The following SLCO2B1 variants were observed in gnomAD, a reference collection of about 807,000 sequenced individuals.
SLCO2B1 encodes the protein solute carrier organic anion transporter family member 2B1.
SLCO2B1 carries 41 observed loss-of-function variants against 67.3 expected under a neutral mutation model. The ratio of observed to expected loss-of-function variants is 0.61; its 90% confidence interval spans 0.47 to 0.79. The LOEUF is 0.79. SLCO2B1 is among the 30% of genes least tolerant of loss of function. The pLI, the probability that SLCO2B1 is intolerant of heterozygous loss-of-function variation, is 0.00. For synonymous variants in SLCO2B1, 379 were observed against 381.4 expected, an observed-to-expected ratio of 0.99 and a Z score of 0.07; for missense variants, 837 against 920.1, an observed-to-expected ratio of 0.91 and a Z score of 1.17.
At chr11:75,168,370 T>C (rs1423950099) in intron 4 of SLCO2B1, among the ~76,000 whole-genome samples, 1 of 152,028 alleles carries the variant, frequency 6.6e-6, no homozygotes, top group Non-Finnish European at 1.5e-5. Flanking sequence ...CCGTGCTGGG[T>C]TGACACAGCT....
intron 9 of SLCO2B1, among the ~76,000 whole-genome samples, chr11:75,194,489 G>A (rs770802860): frequency 4.1e-4 from 63 of 152,204 alleles, no homozygotes; most frequent in Non-Finnish European, 7.4e-4. Flanking sequence ...CAGGGCCAAG[G>A]AGCACCCAGC....
intron 1 of SLCO2B1, among the ~76,000 whole-genome samples, chr11:75,154,521 C>A (rs535706353): frequency 2.6e-5 from 4 of 152,176 alleles, no homozygotes; most frequent in South Asian, 2.1e-4. Flanking sequence ...ACAACAACAA[C>A]AAATGAGGAA....
intron 13 of SLCO2B1, 125 bp from the exon 14 acceptor site, chr11:75,204,275 C>T: frequency 9.9e-7 from 1 of 1,007,472 alleles, no homozygotes; most frequent in Non-Finnish European, 1.5e-6. Flanking sequence ...CAGGGAAGAG[C>T]CACAGCAGAG....
At position 75,151,459 on chromosome 11, in the gene SLCO2B1, G is replaced by T. The variant is rs1186006801; in HGVS notation, c.16+62G>T. 7 of 1,582,964 alleles carry T rather than the reference G, an allele frequency of 4.4e-6. No homozygotes were observed. In the East Asian group the frequency reaches 1.3e-4, roughly 30 times the overall value. On this transcript the variant is annotated intron_variant, in intron 1 of 13. Transcript: ENST00000289575. ...CAAGCCTGGGGGACATGTTCCCAGA[G>T]AAAAGGGTGAGGCCGTAGAGCCAGA...
Position 75,193,875 on chromosome 11 carries a change from G to T in SLCO2B1, c.1433+300G>T, listed in dbSNP as rs1173605675. ...GCCACCCATGGGATGGCATGTCCAG[G>T]GTGACCAAGCCCTGTGGGCCCAACA... On this transcript the variant is annotated intron_variant, in intron 9 of 13. Transcript: ENST00000289575. The surrounding 1 kb of genome is among the most constrained non-coding windows in gnomAD (Gnocchi z 4.2). Among the ~76,000 whole-genome samples, 2 of 152,188 alleles carry T rather than the reference G, an allele frequency of 1.3e-5. No homozygotes were observed. The highest frequency in any genetic ancestry group is 4.8e-5 in the African/African-American group (2 of 41,450).
intron 6 of SLCO2B1, chr11:75,170,023 G>T: frequency 2.2e-6 from 1 of 456,254 alleles, no homozygotes; most frequent in African/African-American, 2.0e-5. Context: ...CATGGTTGCC[G>T]TCACTACTAT....
At chr11:75,184,959 C>T (rs1399267641) in intron 7 of SLCO2B1, among the ~76,000 whole-genome samples, 1 of 152,138 alleles carries the variant, frequency 6.6e-6, no homozygotes, top group East Asian at 1.9e-4. Context: ...CTGTTTTCTG[C>T]CATGCCACAA....
At position 75,165,937 on chromosome 11, in the gene SLCO2B1, A is replaced by G; in HGVS notation, c.436A>G (p.Asn146Asp). ...CATCTCGGAGCCATACCGCTACGAC[A>G]ACACCAGCCCTGGTAAGAGCAGCAG... The part of the protein sequence containing the change: ...HFISEPYRYD[N>D]TSPEDMPQDF... Residue 146 changes from asparagine to aspartate, a missense_variant, in exon 4 of 14, where the codon AAC becomes GAC. Physicochemically the swap from Asn to Asp is conservative, Grantham distance 23. Coordinates refer to ENST00000289575, the MANE Select transcript of SLCO2B1 (RefSeq NM_007256.5). 6.2e-7 allele frequency: 1 copy of G among 1,613,944 alleles called. No individual in the cohort carries two copies. The highest frequency in any genetic ancestry group is 8.5e-7 in the Non-Finnish European group (1 of 1,179,868).
Position 75,193,271 on chromosome 11 carries a change from G to A in SLCO2B1, c.1129G>A (p.Val377Ile). ...ACGCCACCCCATCTTCCTGCTGGTG[G>A]TCCTGTCCCAGGTATGCTTGTCATC... ...TLRHPIFLLV[V>I]LSQVCLSSMA... The change falls in exon 9 of 14, where the codon GTC becomes ATC. Residue 377 changes from valine (V) to isoleucine (I), a missense_variant. Val to Ile is a conservative substitution (Grantham distance 29, BLOSUM62 3). Transcript: ENST00000289575. The surrounding 1 kb of genome is among the most constrained non-coding windows in gnomAD (Gnocchi z 4.2). The A allele has an allele frequency of 6.2e-7, 1 of 1,613,824 alleles. No individual in the cohort carries two copies. Among genetic ancestry groups the A allele is most frequent in the South Asian group, 1.1e-5 (1 of 91,082 alleles).
chr11:75,164,514 C>T (rs1381076553), intron 3 of SLCO2B1, among the ~76,000 whole-genome samples: 2 of 152,034 alleles, frequency 1.3e-5, no homozygotes, highest in Admixed American at 1.3e-4. Flanking sequence ...GGAGGGATAC[C>T]GCGGCGCAGG....
chr11:75,203,767 C>A, intron 13 of SLCO2B1: 1 of 264,018 alleles, frequency 3.8e-6, no homozygotes, highest in Non-Finnish European at 7.3e-6. Context: ...GGGGAGAAAG[C>A]CCTGTCTAGG....
intron 8 of SLCO2B1, among the ~76,000 whole-genome samples, chr11:75,189,956 T>C (rs1199672342): frequency 2.8e-5 from 4 of 144,048 alleles, no homozygotes; most frequent in African/African-American, 5.5e-5. Context: ...AGAGAAACCC[T>C]GTCTGGAAAA....
intron 1 of SLCO2B1, among the ~76,000 whole-genome samples, chr11:75,151,982 C>A (rs1949697308): frequency 6.6e-6 from 1 of 152,186 alleles, no homozygotes; most frequent in Non-Finnish European, 1.5e-5. Context: ...GACCTGCAGG[C>A]AGCATCAGAA....
At position 75,163,956 on chromosome 11, in the gene SLCO2B1, C is replaced by T. The variant is rs775882192; in HGVS notation, c.148-7C>T. ...CCACCTCTGCCTGCCTCCGGGTCCC[C>T]CCACAGCTGTTCGTTCTGTGCCACA... On this transcript the variant is annotated splice_region_variant and splice_polypyrimidine_tract_variant and intron_variant, in intron 2 of 13. Coordinates refer to ENST00000289575, the MANE Select transcript of SLCO2B1 (RefSeq NM_007256.5). 5.6e-6 allele frequency: 9 copies of T among 1,594,796 alleles called. No homozygotes were observed. The African/African-American group carries it at 1.1e-4, about 19-fold the overall frequency.
At chr11:75,180,704 G>A (rs976416722) in intron 7 of SLCO2B1, among the ~76,000 whole-genome samples, 2 of 152,142 alleles carry the variant, frequency 1.3e-5, no homozygotes, top group African/African-American at 4.8e-5. Context: ...TAGGAATTAG[G>A]CTAACATTTA....
At chr11:75,175,929 G>C (rs1206881046) in intron 7 of SLCO2B1, among the ~76,000 whole-genome samples, 1 of 152,158 alleles carries the variant, frequency 6.6e-6, no homozygotes, top group African/African-American at 2.4e-5. Context: ...ATTGGGGGAG[G>C]CCATGCAGGG....
At position 75,151,210 on chromosome 11, in the gene SLCO2B1, G is replaced by A. The variant is rs1324034977; in HGVS notation, c.-172G>A. ...TCTGGACAAGTCTGATGTCCTGTGT[G>A]GCCCAAGAAGAACTGACCCCGTGTC... On this transcript the variant is annotated 5_prime_UTR_variant, in exon 1 of 14. Transcript: ENST00000289575. The A allele has an allele frequency of 3.2e-6, 2 of 615,650 alleles. No homozygotes were observed. The highest frequency in any genetic ancestry group is 3.7e-5 in the African/African-American group (2 of 54,358). The allele number at this position is 615,650 out of a possible 1,614,324, so 38.1% of individuals were successfully genotyped here.
At position 75,201,526 on chromosome 11, in the gene SLCO2B1, C is replaced by T. The variant is rs1403027688; in HGVS notation, c.1763+1139C>T. Reference sequence around the variant, plus strand: ...AGGCTGAGTGCTCAGTCCCACAAGACTTTCCCTCCACTTCCCATGCCAACC... The same window carrying T: ...AGGCTGAGTGCTCAGTCCCACAAGATTTTCCCTCCACTTCCCATGCCAACC... On this transcript the variant is annotated intron_variant, in intron 11 of 13. Coordinates refer to ENST00000289575, the MANE Select transcript of SLCO2B1 (RefSeq NM_007256.5). The T allele has an allele frequency of 3.3e-5, 5 of 152,180 alleles. No homozygotes were observed. In the East Asian group the frequency reaches 7.7e-4, roughly 23 times the overall value. The allele number at this position is 152,180 out of a possible 1,614,324, so 9.4% of individuals were successfully genotyped here.
At chr11:75,190,410 G>A (rs1451924025) in intron 8 of SLCO2B1, among the ~76,000 whole-genome samples, 1 of 152,204 alleles carries the variant, frequency 6.6e-6, no homozygotes, top group Non-Finnish European at 1.5e-5. Context: ...GAGGAACCAT[G>A]GTCCTTCAGC....
Sources: gnomAD v4.1 joint callset for allele counts (sites outside exome capture counted in the v4.1 genomes callset) on GRCh38, gnomAD v4.1.1 for gene constraint, Gnocchi (gnomAD v3.1) non-coding constraint, MANE v1.5 for transcripts, NCBI Gene and HGNC (gene_info 2026-07-23, HGNC 2026-07-21) for gene names.